GABRG3: variants seen among roughly 807,000 people sequenced by gnomAD.
GABRG3 encodes gamma-aminobutyric acid receptor subunit gamma-3.
A neutral mutation model predicts 48.8 loss-of-function variants in GABRG3; 25 were observed. The ratio of observed to expected loss-of-function variants is 0.51; its 90% CI spans 0.37 to 0.72. The LOEUF is 0.72. GABRG3 is among the 30% of genes least tolerant of loss of function. GABRG3 has a pLI of 0.00. For missense variants in GABRG3, 394 were observed against 577.9 expected, an observed-to-expected ratio of 0.68 and a Z score of 3.26; for synonymous variants, 227 against 217.6, an observed-to-expected ratio of 1.04 and a Z score of -0.38.
At chr15:27,261,410 C>T (rs145119590) in intron 3 of GABRG3, among the ~76,000 whole-genome samples, 249 of 151,670 alleles carry the variant, frequency 1.6e-3, no homozygotes, top group African/African-American at 5.4e-3. Flanking sequence ...GAATCTCTCC[C>T]CAGTCCCCCC....
Position 27,382,693 on chromosome 15 carries a change from G to A in GABRG3, c.574+53805G>A, listed in dbSNP as rs527351707. ...TGGTTTGCACTACTGTGTTTCAGAA[G>A]TGGTGGGGTGTTTTTGGATTTTGGA... On this transcript the variant is annotated intron_variant, in intron 5 of 9. Transcript: ENST00000615808. Among the ~76,000 whole-genome samples, 7 of 152,332 alleles carry A rather than the reference G, an allele frequency of 4.6e-5. No individual in the cohort carries two copies. In the South Asian group the frequency reaches 1.2e-3, roughly 27 times the overall value.
intron 3 of GABRG3, among the ~76,000 whole-genome samples, chr15:27,197,729 G>C (rs576425060): frequency 1.3e-5 from 2 of 152,094 alleles, no homozygotes; most frequent in South Asian, 2.1e-4. Flanking sequence ...CTGTGAATCT[G>C]TCTCGTCCTG....
At chr15:27,256,209 G>A (rs950107752) in intron 3 of GABRG3, among the ~76,000 whole-genome samples, 30 of 152,126 alleles carry the variant, frequency 2.0e-4, no homozygotes, top group African/African-American at 4.8e-4. Context: ...TTGGGAGGCC[G>A]AGGCGGGCGG....
chr15:27,167,395 G>T (rs1196396684), intron 3 of GABRG3, among the ~76,000 whole-genome samples: 4 of 152,180 alleles, frequency 2.6e-5, no homozygotes, highest in African/African-American at 9.7e-5. Context: ...TGTAGAGAAA[G>T]AGCACCCAAG....
intron 3 of GABRG3, among the ~76,000 whole-genome samples, chr15:27,244,651 C>T (rs1377325824): frequency 6.6e-6 from 1 of 152,052 alleles, no homozygotes; most frequent in East Asian, 1.9e-4. Flanking sequence ...GTGGTTGTGG[C>T]GTGTTCCTGT....
chr15:27,405,173 G>A (rs989411043), intron 5 of GABRG3, among the ~76,000 whole-genome samples: 9 of 152,024 alleles, frequency 5.9e-5, no homozygotes, highest in African/African-American at 4.8e-5. Context: ...TGTATAGAAC[G>A]TAAAATAAAA....
intron 3 of GABRG3, among the ~76,000 whole-genome samples, chr15:27,248,803 C>CACACACACACACAGAGAGAGAGAG (rs1377080195): frequency 1.8e-5 from 2 of 110,176 alleles, no homozygotes; most frequent in South Asian, 3.4e-4. Flanking sequence ...CACACACACA[C>CACACACACACACAGAGAGAGAGAG]AGAGAGAGAG....
At chr15:27,016,299 C>G (rs1052775337) in intron 2 of GABRG3, among the ~76,000 whole-genome samples, 1 of 148,788 alleles carries the variant, frequency 6.7e-6, no homozygotes, top group Non-Finnish European at 1.5e-5. Context: ...TGCAGTGGCT[C>G]TATGACTTCA....
chr15:27,160,485 T>C (rs1887137819), intron 3 of GABRG3, among the ~76,000 whole-genome samples: 1 of 152,212 alleles, frequency 6.6e-6, no homozygotes, highest in African/African-American at 2.4e-5. Flanking sequence ...TTGATAATTC[T>C]TTTATTACTT....
intron 5 of GABRG3, among the ~76,000 whole-genome samples, chr15:27,353,762 A>G (rs536554995): frequency 2.8e-4 from 43 of 152,216 alleles, no homozygotes; most frequent in African/African-American, 7.5e-4. Flanking sequence ...GTAGTTTTCA[A>G]TCATTCTCCA....
chr15:27,321,891 G>A (rs73363166), intron 3 of GABRG3, among the ~76,000 whole-genome samples: 100 of 152,346 alleles, frequency 6.6e-4, no homozygotes, highest in African/African-American at 2.0e-3. Context: ...AATGATCCGC[G>A]TGTCGCGGTA....
At chr15:26,980,135 G>T (rs1326268406) in intron 2 of GABRG3, among the ~76,000 whole-genome samples, 2 of 151,878 alleles carry the variant, frequency 1.3e-5, no homozygotes. Context: ...ATAATCTTTT[G>T]TGATGTCTGT....
intron 4 of GABRG3, 52 bp from the exon 5 acceptor site, chr15:27,328,754 G>A: frequency 6.5e-7 from 1 of 1,534,764 alleles, no homozygotes; most frequent in Non-Finnish European, 9.0e-7. Flanking sequence ...ACGGCCGCCG[G>A]CCTTGCCCTG....
chr15:27,097,940 C>CT (rs11305962), intron 3 of GABRG3, among the ~76,000 whole-genome samples: 3,465 of 141,838 alleles, frequency 0.024, 132 homozygotes, highest in African/African-American at 0.078. Flanking sequence ...ATCTATTATT[C>CT]TTTTTTTTTT....
At chr15:27,108,920 T>C (rs1025973315) in intron 3 of GABRG3, among the ~76,000 whole-genome samples, 3 of 152,150 alleles carry the variant, frequency 2.0e-5, no homozygotes, top group Non-Finnish European at 2.9e-5. Context: ...GTTAGCACTA[T>C]GTACCTTATT....
intron 3 of GABRG3, among the ~76,000 whole-genome samples, chr15:27,141,147 G>T (rs1435262530): frequency 6.6e-6 from 1 of 152,142 alleles, no homozygotes; most frequent in Non-Finnish European, 1.5e-5. Context: ...GATTGTGGGA[G>T]AATAGATTAT....
At chr15:27,189,389 CCT>C (rs1227194873) in intron 3 of GABRG3, among the ~76,000 whole-genome samples, 3 of 152,122 alleles carry the variant, frequency 2.0e-5, no homozygotes, top group Admixed American at 6.6e-5. Context: ...TTCTTTGTAT[CCT>C]CTTTTATTTC....
At chr15:27,223,292 C>A (rs1566970627) in intron 3 of GABRG3, among the ~76,000 whole-genome samples, 1 of 152,174 alleles carries the variant, frequency 6.6e-6, no homozygotes, top group East Asian at 1.9e-4. Context: ...AGGCCAGGGA[C>A]TCTGTCTAGG....
intron 7 of GABRG3, among the ~76,000 whole-genome samples, chr15:27,521,465 G>C (rs1891158206): frequency 6.6e-6 from 1 of 151,998 alleles, no homozygotes; most frequent in East Asian, 1.9e-4. Context: ...ACATTGTAAG[G>C]AGTTATAATA....
Sources: allele counts gnomAD v4.1 joint callset (sites outside exome capture counted in the v4.1 genomes callset), GRCh38; gene constraint gnomAD v4.1.1; transcripts MANE v1.5; gene names NCBI Gene and HGNC (gene_info 2026-07-23, HGNC 2026-07-21).